Variants in VBP1 observed in about 807,000 individuals in gnomAD.
VBP1 encodes prefoldin subunit 3.
A neutral mutation model predicts 15.5 loss-of-function variants in VBP1; 4 were observed. The ratio of observed to expected loss-of-function variants is 0.26; its 90% CI spans 0.13 to 0.59. The LOEUF is 0.59. VBP1 is among the 20% of genes least tolerant of loss of function. The probability of loss-of-function intolerance (pLI) is 0.90; values close to 1 mark genes in which losing one functional copy is unlikely to be tolerated. For missense variants in VBP1, 108 were observed against 139.6 expected, an observed-to-expected ratio of 0.77 and a Z score of 1.14; for synonymous variants, 61 against 52.1, an observed-to-expected ratio of 1.17 and a Z score of -0.74.
In VBP1 at chrX:155,239,112, T is replaced by G; in HGVS notation, c.*270T>G. On this transcript the variant is annotated 3_prime_UTR_variant, in exon 6 of 6. Coordinates refer to ENST00000286428, the MANE Select transcript of VBP1 (RefSeq NM_003372.7). ...ACTCTTAGCTGAAATGGCCGAAAAC[T>G]GTGAGACATGCTATGGAAGCTGAAT... The G allele has an allele frequency of 4.3e-6, 1 of 232,237 alleles. No individual in the cohort carries two copies. Among genetic ancestry groups the G allele is most frequent in the Non-Finnish European group, 7.6e-6 (1 of 131,442 alleles). The allele number at this position is 232,237 out of a possible 1,213,427, so 19.1% of individuals were successfully genotyped here. A position where few individuals can be genotyped will look rare whatever the true frequency, so the allele number is the denominator to read the frequency against.
At chrX:155,231,672 G>A (rs986992022) in intron 4 of VBP1, among the ~76,000 whole-genome samples, 4 of 112,222 alleles carry the variant, frequency 3.6e-5, no homozygotes, top group Admixed American at 2.8e-4. Flanking sequence ...ACATCTGTAT[G>A]TACCTAAATA....
intron 1 of VBP1, among the ~76,000 whole-genome samples, chrX:155,198,771 C>T (rs1003586850): frequency 5.4e-5 from 6 of 112,108 alleles, no homozygotes; most frequent in South Asian, 3.6e-4. Flanking sequence ...ATGACTTTGA[C>T]GAGTTGAGAG....
At chrX:155,202,254 A>T (rs1273477245) in intron 1 of VBP1, among the ~76,000 whole-genome samples, 2 of 111,405 alleles carry the variant, frequency 1.8e-5, no homozygotes, top group African/African-American at 6.5e-5. Context: ...GAATTGGAAA[A>T]AATTTTAAAG....
chrX:155,206,484 T>C (rs1557308056), intron 1 of VBP1, among the ~76,000 whole-genome samples: 1 of 111,102 alleles, frequency 9.0e-6, no homozygotes, highest in African/African-American at 3.3e-5. Context: ...TCTGCCTGCC[T>C]CGGCCTCCCA....
chrX:155,221,997 A>T (rs2074691484), intron 2 of VBP1, among the ~76,000 whole-genome samples: 1 of 112,738 alleles, frequency 8.9e-6, no homozygotes, highest in Admixed American at 9.3e-5. Context: ...AGAAATCCAC[A>T]CTAAAGGCAT....
intron 1 of VBP1, among the ~76,000 whole-genome samples, chrX:155,198,326 C>T (rs989472017): frequency 5.3e-5 from 6 of 112,264 alleles, no homozygotes; most frequent in Non-Finnish European, 9.4e-5. Context: ...GTCCCTGATC[C>T]CTGACCCCCG....
At chrX:155,213,420 C>T (rs2074651413), upstream of VBP1, 1 of 112,157 alleles carries the variant, frequency 8.9e-6, no homozygotes. Context: ...CTGTTACCTG[C>T]ACAAAGCTTC....
At chrX:155,230,571 C>T (rs2074741029) in intron 4 of VBP1, among the ~76,000 whole-genome samples, 1 of 111,776 alleles carries the variant, frequency 8.9e-6, no homozygotes, top group South Asian at 3.8e-4. Context: ...TCAGGTCATT[C>T]CATTATTCTG....
At chrX:155,214,931 A>G (rs1169624447), upstream of VBP1, among the ~76,000 whole-genome samples, 4 of 110,587 alleles carry the variant, frequency 3.6e-5, no homozygotes, top group African/African-American at 9.9e-5. Context: ...CAGTATAAAT[A>G]AGGGAATCTT....
At chrX:155,206,157 A>G (rs1477243158) in intron 1 of VBP1, among the ~76,000 whole-genome samples, 2 of 112,097 alleles carry the variant, frequency 1.8e-5, no homozygotes, top group Non-Finnish European at 3.8e-5. Context: ...AAGAAGAATT[A>G]AGAGTATTGG....
intron 1 of VBP1, among the ~76,000 whole-genome samples, chrX:155,207,783 T>C (rs1167980032): frequency 1.5e-4 from 17 of 112,033 alleles, no homozygotes; most frequent in African/African-American, 5.5e-4. Context: ...CTCTAGTCTG[T>C]CGAGAAAATT....
chrX:155,232,245 A>T (rs1392280407), intron 4 of VBP1, among the ~76,000 whole-genome samples: 5 of 104,849 alleles, frequency 4.8e-5, no homozygotes, highest in African/African-American at 7.0e-5. Context: ...TTTTTGATAG[A>T]CATTTAGGTC....
intron 2 of VBP1, among the ~76,000 whole-genome samples, chrX:155,209,885 C>T (rs1355939828): frequency 1.8e-5 from 2 of 111,410 alleles, no homozygotes; most frequent in African/African-American, 6.5e-5. Flanking sequence ...AGATCTGTCT[C>T]TCATTCAGAC....
intron 2 of VBP1, 64 bp downstream of exon 2, chrX:155,220,371 T>C (rs2124070491): frequency 1.1e-6 from 1 of 946,704 alleles, no homozygotes; most frequent in East Asian, 3.7e-5. Context: ...AAAATTGAGA[T>C]ATAATTTACA....
At chrX:155,234,115 T>G (rs2074759768) in intron 4 of VBP1, among the ~76,000 whole-genome samples, 3 of 82,306 alleles carry the variant, frequency 3.6e-5, no homozygotes, top group Non-Finnish European at 7.1e-5. Context: ...CTCTGTTTTT[T>G]TTTTTTTTTT....
intron 2 of VBP1, 76 bp from the exon 3 acceptor site, chrX:155,227,159 G>T: frequency 1.2e-6 from 1 of 857,080 alleles, no homozygotes; most frequent in East Asian, 3.6e-5. Flanking sequence ...AGTAGAAAAT[G>T]CAAAGTTAGT....
At chrX:155,231,721 T>G (rs2124093478) in intron 4 of VBP1, among the ~76,000 whole-genome samples, 1 of 112,439 alleles carries the variant, frequency 8.9e-6, no homozygotes, top group African/African-American at 3.2e-5. Context: ...AAATGGGATA[T>G]ATATTGTATA....
intron 1 of VBP1, among the ~76,000 whole-genome samples, chrX:155,201,515 G>A (rs1363540720): frequency 1.2e-5 from 1 of 85,429 alleles, no homozygotes; most frequent in African/African-American, 5.8e-5. Context: ...AAAACCACAT[G>A]ATTATCTCAA....
exon 1 of VBP1, chrX:155,197,089 C>A (rs782527303): frequency 1.8e-5 from 2 of 111,876 alleles, no homozygotes; most frequent in Non-Finnish European, 3.8e-5. Context: ...ACATCATAAA[C>A]GAAGACTGGA....
Sources: gnomAD v4.1 joint callset for allele counts (sites outside exome capture counted in the v4.1 genomes callset) on GRCh38, gnomAD v4.1.1 for gene constraint, MANE v1.5 for transcripts, NCBI Gene and HGNC (gene_info 2026-07-23, HGNC 2026-07-21) for gene names.